The following SYN3 variants were observed in gnomAD, a reference collection of about 807,000 sequenced individuals.
SYN3 encodes synapsin-3.
Under a neutral mutation model 65.8 loss-of-function variants are expected in SYN3, and 35 were observed. The observed-to-expected ratio is 0.53, with a 90% CI of 0.41 to 0.70. The LOEUF (loss-of-function observed/expected upper bound fraction) is 0.70, where lower values mean the gene tolerates loss of function less well. SYN3 is among the 30% of genes least tolerant of loss of function. The pLI is 0.00. For missense variants in SYN3, 680 were observed against 749.0 expected (o/e 0.91, Z 1.08); for synonymous variants, 270 against 292.9 (o/e 0.92, Z 0.80).
intron 4 of SYN3, among the ~76,000 whole-genome samples, chr22:32,906,155 G>A (rs1056276636): frequency 7.9e-5 from 12 of 152,246 alleles, no homozygotes; most frequent in East Asian, 5.8e-4. Flanking sequence ...TCAGGAAGGC[G>A]CACGACCTGG....
At chr22:33,028,409 T>C (rs2053674955) in intron 1 of SYN3, among the ~76,000 whole-genome samples, 1 of 152,200 alleles carries the variant, frequency 6.6e-6, no homozygotes, top group African/African-American at 2.4e-5. Flanking sequence ...TGGCCTTTCA[T>C]GTGACTTAGG....
intron 6 of SYN3, among the ~76,000 whole-genome samples, chr22:32,705,238 G>A (rs1207065424): frequency 6.6e-6 from 1 of 152,100 alleles, no homozygotes; most frequent in Non-Finnish European, 1.5e-5. Context: ...TGTATATGGT[G>A]TAAGGAAGGG....
chr22:33,038,944 T>C (rs2055084828), intron 1 of SYN3, among the ~76,000 whole-genome samples: 1 of 152,222 alleles, frequency 6.6e-6, no homozygotes, highest in Non-Finnish European at 1.5e-5. Flanking sequence ...TGGCACTCTG[T>C]TCTGCAAAAC....
chr22:32,646,284 T>C (rs1031024010), intron 6 of SYN3, among the ~76,000 whole-genome samples: 1 of 152,178 alleles, frequency 6.6e-6, no homozygotes, highest in South Asian at 2.1e-4. Flanking sequence ...TTCCTCCCAC[T>C]GTCTTGGAAC....
At chr22:33,045,560 C>T (rs1289479377) in intron 1 of SYN3, among the ~76,000 whole-genome samples, 1 of 149,762 alleles carries the variant, frequency 6.7e-6, no homozygotes, top group African/African-American at 2.5e-5. Context: ...CTCTGCCTCC[C>T]GGGTTCATGC....
chr22:33,005,885 T>C (rs2053182307), intron 2 of SYN3, among the ~76,000 whole-genome samples: 1 of 152,216 alleles, frequency 6.6e-6, no homozygotes, highest in Admixed American at 6.5e-5. Flanking sequence ...ATTAAAAGTT[T>C]TCCATTTTTA....
At chr22:32,840,565 G>A (rs116527819) in intron 6 of SYN3, among the ~76,000 whole-genome samples, 1,669 of 152,002 alleles carry the variant, frequency 0.011, 30 homozygotes, top group African/African-American at 0.037. Flanking sequence ...CTGGAAAGGC[G>A]GGAGATCGGC....
At chr22:32,767,968 T>C (rs1021025786) in intron 6 of SYN3, among the ~76,000 whole-genome samples, 6 of 152,340 alleles carry the variant, frequency 3.9e-5, no homozygotes, top group Admixed American at 2.6e-4. Flanking sequence ...CATTTCTAGT[T>C]TAACATGTCA....
intron 1 of SYN3, among the ~76,000 whole-genome samples, chr22:33,036,602 C>G (rs1274047928): frequency 6.6e-6 from 1 of 151,790 alleles, no homozygotes; most frequent in East Asian, 1.9e-4. Context: ...ATTTGCTGCC[C>G]TGGAAATTCA....
chr22:32,576,957 A>G (rs561324875), intron 7 of SYN3, among the ~76,000 whole-genome samples: 32 of 151,276 alleles, frequency 2.1e-4, no homozygotes, highest in Non-Finnish European at 3.7e-4. Context: ...AGCATGAAAC[A>G]CTCTCATGAT....
At chr22:32,548,256 T>C (rs1001689688) in intron 7 of SYN3, among the ~76,000 whole-genome samples, 7 of 152,252 alleles carry the variant, frequency 4.6e-5, no homozygotes, top group African/African-American at 7.2e-5. Flanking sequence ...GGTTTCACCA[T>C]GTTGGCCAGG....
intron 6 of SYN3, among the ~76,000 whole-genome samples, chr22:32,781,478 T>A (rs1302888411): frequency 6.6e-6 from 1 of 152,112 alleles, no homozygotes; most frequent in Non-Finnish European, 1.5e-5. Flanking sequence ...CTCTCTGGGT[T>A]TCAGTTTTCC....
intron 1 of SYN3, among the ~76,000 whole-genome samples, chr22:33,042,990 T>C (rs936305832): frequency 6.6e-6 from 1 of 152,188 alleles, no homozygotes; most frequent in African/African-American, 2.4e-5. Context: ...TCACAGGCCA[T>C]ATACCCTTTT....
chr22:32,603,844 T>C (rs2710359), intron 6 of SYN3, among the ~76,000 whole-genome samples: 49,422 of 152,216 alleles, frequency 0.32, 12,576 homozygotes, highest in African/African-American at 0.71. Flanking sequence ...TCACATGCCC[T>C]GGGCACTCCA....
At chr22:32,923,409 G>A (rs138597299) in intron 4 of SYN3, among the ~76,000 whole-genome samples, 14 of 152,322 alleles carry the variant, frequency 9.2e-5, no homozygotes, top group Admixed American at 2.6e-4. Flanking sequence ...CCTCACAGAC[G>A]CAACAAGAAA....
intron 4 of SYN3, among the ~76,000 whole-genome samples, chr22:32,877,601 C>T (rs188576498): frequency 7.9e-5 from 12 of 152,292 alleles, no homozygotes; most frequent in Non-Finnish European, 7.3e-5. Context: ...CCACCATTGC[C>T]AAGTGTCCCC....
chr22:32,775,838 A>G (rs1254513430), intron 6 of SYN3, among the ~76,000 whole-genome samples: 1 of 152,202 alleles, frequency 6.6e-6, no homozygotes, highest in Non-Finnish European at 1.5e-5. Context: ...CAGCTGAAAA[A>G]TGGCCTTCCA....
chr22:32,688,689 T>A (rs2060624519), intron 6 of SYN3, among the ~76,000 whole-genome samples: 1 of 147,266 alleles, frequency 6.8e-6, no homozygotes, highest in South Asian at 2.3e-4. Context: ...AGGCAGAGCC[T>A]TGTCCTCCAC....
At chr22:32,786,554 G>A (rs1299775633) in intron 6 of SYN3, among the ~76,000 whole-genome samples, 1 of 151,238 alleles carries the variant, frequency 6.6e-6, no homozygotes, top group African/African-American at 2.4e-5. Flanking sequence ...CATAGAGATG[G>A]GGTTTCACCA....
Sources: gnomAD v4.1 joint callset for allele counts (sites outside exome capture counted in the v4.1 genomes callset) on GRCh38, gnomAD v4.1.1 for gene constraint, MANE v1.5 for transcripts, NCBI Gene and HGNC (gene_info 2026-07-23, HGNC 2026-07-21) for gene names.